The following ADCY2 variants were observed in gnomAD, a reference collection of about 807,000 sequenced individuals.
The protein encoded by ADCY2 is adenylate cyclase 2, also known as adenylate cyclase type 2.
Under a neutral mutation model 125.2 loss-of-function variants are expected in ADCY2, and 31 were observed. The observed-to-expected ratio is 0.25, with a 90% CI of 0.19 to 0.33. The LOEUF (loss-of-function observed/expected upper bound fraction) is 0.33, where lower values mean the gene tolerates loss of function less well. ADCY2 is among the 10% of genes least tolerant of loss of function. ADCY2 has a pLI of 1.00. For synonymous variants in ADCY2, 512 were observed against 548.4 expected (o/e 0.93, Z 0.93); for missense variants, 904 against 1,418.2 (o/e 0.64, Z 5.82).
At chr5:7,804,904 G>A (rs114706439) in intron 22 of ADCY2, among the ~76,000 whole-genome samples, 2,405 of 152,246 alleles carry the variant, frequency 0.016, 67 homozygotes, top group African/African-American at 0.055. Flanking sequence ...GCCAACAGGA[G>A]AAGAAAAACC....
Position 7,829,795 on chromosome 5 carries a change from C to T in ADCY2, c.*2924C>T, listed in dbSNP as rs1745588688. 6.6e-6 allele frequency: 1 copy of T among 152,316 alleles called. No individual in the cohort carries two copies. The highest frequency in any genetic ancestry group is 1.5e-5 in the Non-Finnish European group (1 of 68,132). The allele number at this position is 152,316 out of a possible 1,614,324, so 9.4% of individuals were successfully genotyped here. ...GATACACCGAATGACCAGGTAACAT[C>T]ATCAGGCCGGGTGCAGTGGCTCCTA... On this transcript the variant is annotated 3_prime_UTR_variant, in exon 25 of 25. Transcript: ENST00000338316.
At chr5:7,432,473 T>C (rs1740639841) in intron 2 of ADCY2, among the ~76,000 whole-genome samples, 1 of 152,180 alleles carries the variant, frequency 6.6e-6, no homozygotes, top group Non-Finnish European at 1.5e-5. Flanking sequence ...CAGAGTTTTT[T>C]CCTGCCAGCG....
At chr5:7,495,129 T>C in intron 2 of ADCY2, among the ~76,000 whole-genome samples, 1 of 152,230 alleles carries the variant, frequency 6.6e-6, no homozygotes, top group East Asian at 1.9e-4. Context: ...CTATCTTTAG[T>C]GCAGTCTAGT....
In ADCY2 at chr5:7,802,247, C is replaced by T; in HGVS notation, c.2658C>T (p.Val886=). 6.2e-7 allele frequency: 1 copy of T among 1,614,016 alleles called. No individual in the cohort carries two copies. ...EELYHQSYDC[V]CVMFASIPDF... Reference sequence around the variant, plus strand: ...TATACCACCAGTCCTATGACTGCGTCTGCGTCATGTTTGCCTCCATTCCGG... The same window carrying T: ...TATACCACCAGTCCTATGACTGCGTTTGCGTCATGTTTGCCTCCATTCCGG... Residue 886 remains valine (V), a synonymous_variant, in exon 21 of 25, where the codon GTC becomes GTT. Transcript: ENST00000338316. The surrounding 1 kb of genome is among the most constrained non-coding windows in gnomAD (Gnocchi z 4.6).
At chr5:7,634,892 A>G (rs999376469) in intron 4 of ADCY2, among the ~76,000 whole-genome samples, 2 of 152,310 alleles carry the variant, frequency 1.3e-5, no homozygotes, top group African/African-American at 4.8e-5. Context: ...TGGTGGCTGG[A>G]GAAGACCAAG....
chr5:7,674,147 G>C (rs578115263), intron 4 of ADCY2, among the ~76,000 whole-genome samples: 2 of 152,102 alleles, frequency 1.3e-5, no homozygotes, highest in Admixed American at 6.5e-5. Context: ...TGGCCCCCAC[G>C]GCATCACTCC....
intron 4 of ADCY2, among the ~76,000 whole-genome samples, chr5:7,641,240 T>C (rs1032892678): frequency 4.6e-5 from 7 of 152,202 alleles, no homozygotes; most frequent in Admixed American, 6.5e-5. Flanking sequence ...GATAGTTTTG[T>C]AGATTACATG....
intron 4 of ADCY2, among the ~76,000 whole-genome samples, chr5:7,634,374 C>A (rs781050311): frequency 6.6e-6 from 1 of 152,112 alleles, no homozygotes; most frequent in Non-Finnish European, 1.5e-5. Flanking sequence ...GGAGATTATA[C>A]TTTTAGGGTT....
intron 20 of ADCY2, chr5:7,800,980 T>C (rs1488279592): frequency 1.3e-5 from 2 of 152,242 alleles, no homozygotes; most frequent in Non-Finnish European, 2.9e-5. Flanking sequence ...CTTGATTTCG[T>C]TGTTCATGTA....
intron 4 of ADCY2, among the ~76,000 whole-genome samples, chr5:7,685,973 T>C (rs1274049229): frequency 6.6e-6 from 1 of 152,194 alleles, no homozygotes; most frequent in Non-Finnish European, 1.5e-5. Context: ...ACATCCTTTC[T>C]GTTTATCCCA....
intron 3 of ADCY2, among the ~76,000 whole-genome samples, chr5:7,556,716 C>T (rs1380890335): frequency 6.6e-6 from 1 of 152,168 alleles, no homozygotes; most frequent in African/African-American, 2.4e-5. Context: ...ACTGTCTAAG[C>T]TCCGCCTCTG....
chr5:7,766,378 T>A (rs1403081510), intron 16 of ADCY2, among the ~76,000 whole-genome samples: 5 of 152,202 alleles, frequency 3.3e-5, no homozygotes, highest in African/African-American at 9.7e-5. Flanking sequence ...GATATTGGCT[T>A]CAAAGGTGAT....
chr5:7,569,494 A>G (rs1736008170), intron 3 of ADCY2, among the ~76,000 whole-genome samples: 1 of 152,150 alleles, frequency 6.6e-6, no homozygotes, highest in Non-Finnish European at 1.5e-5. Context: ...TTGCTGAGGA[A>G]CATGCCTATT....
intron 4 of ADCY2, among the ~76,000 whole-genome samples, chr5:7,639,697 C>T (rs1306545252): frequency 6.6e-6 from 1 of 152,164 alleles, no homozygotes; most frequent in African/African-American, 2.4e-5. Flanking sequence ...GGTATTATTG[C>T]ATACACCTTC....
intron 14 of ADCY2, among the ~76,000 whole-genome samples, chr5:7,734,992 G>A (rs1383460900): frequency 1.3e-5 from 2 of 152,110 alleles, no homozygotes; most frequent in African/African-American, 4.8e-5. Flanking sequence ...CATTCATGAG[G>A]TCTCCACCTT....
At chr5:7,825,189 A>G (rs1446455898) in intron 24 of ADCY2, among the ~76,000 whole-genome samples, 1 of 152,014 alleles carries the variant, frequency 6.6e-6, no homozygotes, top group Admixed American at 6.5e-5. Context: ...CGCCACGACA[A>G]CGCTGCTGTG....
chr5:7,447,176 T>G (rs188522686), intron 2 of ADCY2, among the ~76,000 whole-genome samples: 2,970 of 136,618 alleles, frequency 0.022, 46 homozygotes, highest in South Asian at 0.041. Context: ...CAGAAGCTTG[T>G]TCTGGGGATC....
intron 18 of ADCY2, among the ~76,000 whole-genome samples, chr5:7,775,152 G>A (rs994140251): frequency 2.0e-5 from 3 of 151,274 alleles, no homozygotes; most frequent in South Asian, 4.2e-4. Flanking sequence ...GATTACAGGT[G>A]CCTGCCACCA....
At chr5:7,457,808 G>A (rs144783746) in intron 2 of ADCY2, among the ~76,000 whole-genome samples, 3 of 152,092 alleles carry the variant, frequency 2.0e-5, no homozygotes, top group African/African-American at 7.2e-5. Flanking sequence ...AGAGGCAATC[G>A]GTAAAACAGA....
Sources: allele counts gnomAD v4.1 joint callset (sites outside exome capture counted in the v4.1 genomes callset), GRCh38; gene constraint gnomAD v4.1.1; non-coding constraint Gnocchi (gnomAD v3.1); transcripts MANE v1.5; gene names NCBI Gene and HGNC (gene_info 2026-07-23, HGNC 2026-07-21).